Variants in SNX6 observed in about 807,000 individuals in gnomAD.
The protein encoded by SNX6 is sorting nexin 6.
Under a neutral mutation model 63.0 loss-of-function variants are expected in SNX6, and 34 were observed. The ratio of observed to expected loss-of-function variants is 0.54; its 90% confidence interval spans 0.41 to 0.72. SNX6 has a LOEUF of 0.72. Ranked by LOEUF, SNX6 falls within the 30% of genes least tolerant of loss-of-function variation. SNX6 has a pLI of 0.00. For missense variants in SNX6, 398 were observed against 471.4 expected (o/e 0.84, Z 1.44); for synonymous variants, 170 against 164.2 (o/e 1.04, Z -0.27).
intron 13 of SNX6, among the ~76,000 whole-genome samples, chr14:34,565,309 C>A (rs1253621190): frequency 6.6e-6 from 1 of 151,798 alleles, no homozygotes; most frequent in Non-Finnish European, 1.5e-5. Context: ...GATCTCCTGA[C>A]CTCGTGATCT....
intron 6 of SNX6, among the ~76,000 whole-genome samples, chr14:34,602,472 T>A (rs1882853499): frequency 6.6e-6 from 1 of 150,544 alleles, no homozygotes; most frequent in South Asian, 2.1e-4. Flanking sequence ...GCGCCTGTAG[T>A]CCCAGCTACT....
chr14:34,588,495 C>A lies in SNX6; in HGVS notation c.719-2190G>T, dbSNP rs933515239. Among the ~76,000 whole-genome samples, 21 of 152,100 alleles carry A rather than the reference C, an allele frequency of 1.4e-4. 1 individual carries two copies. On this transcript the variant is annotated intron_variant, in intron 8 of 13. Coordinates refer to ENST00000362031, the MANE Select transcript of SNX6 (RefSeq NM_152233.4). ...CGAACTCCTGAGCTCAAGCGATCCA[C>A]CCACCTCAGCCTCCTAAAGTGCTGG... is the stretch of plus-strand genomic sequence containing the variant.
intron 2 of SNX6, among the ~76,000 whole-genome samples, chr14:34,625,079 C>A (rs189327242): frequency 5.3e-5 from 8 of 152,048 alleles, no homozygotes; most frequent in Admixed American, 3.3e-4. Flanking sequence ...CCATGCCCAG[C>A]TAATTTTCTG....
chr14:34,580,066 T>A (rs370418298), intron 10 of SNX6, among the ~76,000 whole-genome samples: 105 of 152,104 alleles, frequency 6.9e-4, no homozygotes, highest in African/African-American at 2.4e-3. Flanking sequence ...ATGCCTGTAA[T>A]CTCAGCTACT....
intron 2 of SNX6, 43 bp downstream of exon 2, chr14:34,629,864 G>A: frequency 6.4e-7 from 1 of 1,550,402 alleles, no homozygotes; most frequent in Non-Finnish European, 8.7e-7. Context: ...GGATGGGGAA[G>A]GAGGGTCCAG....
At chr14:34,585,294 C>T (rs368165522) in intron 9 of SNX6, among the ~76,000 whole-genome samples, 2 of 152,072 alleles carry the variant, frequency 1.3e-5, no homozygotes, top group African/African-American at 2.4e-5. Flanking sequence ...CTGAGTCGGG[C>T]AGGCCACTTG....
At chr14:34,627,005 C>T (rs1208735318) in intron 2 of SNX6, among the ~76,000 whole-genome samples, 3 of 152,050 alleles carry the variant, frequency 2.0e-5, no homozygotes, top group Admixed American at 2.0e-4. Context: ...ATTTTAAAAC[C>T]CGAAATACAA....
rs191908490 is a variant in SNX6 at position 34,628,206 on chromosome 14, T to A, written c.54+1701A>T. Among the ~76,000 whole-genome samples, 133 of 151,736 alleles carry A rather than the reference T, an allele frequency of 8.8e-4. 3 individuals are homozygous for A. In the East Asian group the frequency reaches 0.024, roughly 28 times the overall value. ...CGGGCGTGGTGGCTCACGCCTATAA[T>A]CCCAGCACTTTGGGAGGCCGGGGTG... On this transcript the variant is annotated intron_variant, in intron 2 of 13. Transcript: ENST00000362031.
At chr14:34,621,154 CCA>C (rs1883607600) in intron 2 of SNX6, among the ~76,000 whole-genome samples, 1 of 151,942 alleles carries the variant, frequency 6.6e-6, no homozygotes, top group African/African-American at 2.4e-5. Context: ...TCTACAGACC[CCA>C]GACTGGTCTC....
chr14:34,605,310 C>A (rs1489286383), intron 5 of SNX6, among the ~76,000 whole-genome samples: 1 of 151,796 alleles, frequency 6.6e-6, no homozygotes, highest in Non-Finnish European at 1.5e-5. Context: ...CAGACTGGAC[C>A]TTTTACCTTT....
intron 3 of SNX6, among the ~76,000 whole-genome samples, chr14:34,609,198 C>T (rs906430569): frequency 1.3e-5 from 2 of 149,762 alleles, no homozygotes; most frequent in East Asian, 2.0e-4. Flanking sequence ...AAAAAAAGTA[C>T]ATTTTGGCTG....
intron 3 of SNX6, among the ~76,000 whole-genome samples, chr14:34,609,370 A>T (rs1883135716): frequency 6.7e-6 from 1 of 149,276 alleles, no homozygotes; most frequent in African/African-American, 2.5e-5. Flanking sequence ...AGTCCCAGCT[A>T]CTCTGGAGGC....
chr14:34,566,393 A>G (rs1055287720), intron 13 of SNX6, among the ~76,000 whole-genome samples: 1 of 152,038 alleles, frequency 6.6e-6, no homozygotes, highest in African/African-American at 2.4e-5. Context: ...TTATATTTTT[A>G]GTAGAGATGA....
intron 13 of SNX6, among the ~76,000 whole-genome samples, chr14:34,565,518 CTT>C (rs1050742902): frequency 7.9e-5 from 12 of 152,020 alleles, no homozygotes; most frequent in South Asian, 2.1e-4. Flanking sequence ...TTCATGACCT[CTT>C]TGTTTTTATT....
At chr14:34,579,585 C>T (rs1881854401) in intron 10 of SNX6, among the ~76,000 whole-genome samples, 2 of 151,860 alleles carry the variant, frequency 1.3e-5, no homozygotes, top group Admixed American at 6.6e-5. Context: ...CCCGCCTGGC[C>T]GACAGAGTGA....
In SNX6 at chr14:34,568,024, G is replaced by A. The variant is rs979798362; in HGVS notation, c.922-11C>T. ...TCGATACAGGAGATCCTATAAAACA[G>A]AATGCTTCACAATAGTATATATACT... On this transcript the variant is annotated splice_polypyrimidine_tract_variant and intron_variant, in intron 11 of 13. Coordinates refer to ENST00000362031, the MANE Select transcript of SNX6 (RefSeq NM_152233.4). The A allele has an allele frequency of 2.5e-6, 4 of 1,608,450 alleles. No individual in the cohort carries two copies. Among genetic ancestry groups the A allele is most frequent in the East Asian group, 4.5e-5 (2 of 44,830 alleles).
chr14:34,582,409 T>C (rs1026421763), intron 9 of SNX6, among the ~76,000 whole-genome samples: 4 of 151,904 alleles, frequency 2.6e-5, no homozygotes, highest in African/African-American at 9.7e-5. Flanking sequence ...AAGGATGGCT[T>C]GAGCCCAGGC....
chr14:34,606,439 C>A (rs1883022688), intron 4 of SNX6, among the ~76,000 whole-genome samples: 1 of 135,708 alleles, frequency 7.4e-6, no homozygotes, highest in African/African-American at 2.8e-5. Flanking sequence ...CTCTTAAAGA[C>A]ACTTCCAACT....
chr14:34,592,452 A>G (rs1450450248), intron 8 of SNX6, among the ~76,000 whole-genome samples: 1 of 152,164 alleles, frequency 6.6e-6, no homozygotes, highest in African/African-American at 2.4e-5. Flanking sequence ...GTTTGTTGCC[A>G]CTGACTTGAT....
Sources: allele counts gnomAD v4.1 joint callset (sites outside exome capture counted in the v4.1 genomes callset), GRCh38; gene constraint gnomAD v4.1.1; transcripts MANE v1.5; gene names NCBI Gene and HGNC (gene_info 2026-07-23, HGNC 2026-07-21).